NXPH1: variants seen among roughly 807,000 people sequenced by gnomAD.
The protein encoded by NXPH1 is neurexophilin 1, also known as neurexophilin-1.
In NXPH1, 5 loss-of-function variants were observed where a neutral mutation model predicts 23.7. That is an observed-to-expected ratio of 0.21 (90% CI 0.11 to 0.44). The LOEUF (loss-of-function observed/expected upper bound fraction) is 0.44. Among genes scored for constraint, NXPH1 ranks in the 20% least tolerant of loss-of-function variants. The pLI is 0.99. For missense variants in NXPH1, 324 were observed against 321.6 expected (o/e 1.01, Z -0.06); for synonymous variants, 144 against 122.2 (o/e 1.18, Z -1.18).
chr7:8,724,157 G>T (rs1780012639), intron 2 of NXPH1, among the ~76,000 whole-genome samples: 1 of 152,110 alleles, frequency 6.6e-6, no homozygotes, highest in Non-Finnish European at 1.5e-5. Context: ...AGAATAGGTG[G>T]TTCCCACAGA....
At position 8,433,777 on chromosome 7, in the gene NXPH1, C is replaced by T. The variant is rs935389123; in HGVS notation, c.-1089C>T. Among the ~76,000 whole-genome samples the T allele has an allele frequency of 3.9e-5, 6 of 152,132 alleles. No individual in the cohort carries two copies. Among genetic ancestry groups the T allele is most frequent in the Admixed American group, 2.0e-4 (3 of 15,280 alleles). ...CTACGCGACTCCCGGCTGCTCTTCCCGCCACTCCCCTGGGCTTTGCGATCT... is the reference window on the plus strand; with the variant it reads ...CTACGCGACTCCCGGCTGCTCTTCCTGCCACTCCCCTGGGCTTTGCGATCT... On this transcript the variant is annotated 5_prime_UTR_variant, in exon 1 of 3. Transcript: ENST00000405863. The surrounding 1 kb of genome is among the most constrained non-coding windows in gnomAD (Gnocchi z 6.8).
chr7:8,448,537 C>T (rs906093634), intron 2 of NXPH1, among the ~76,000 whole-genome samples: 5 of 152,166 alleles, frequency 3.3e-5, no homozygotes. Flanking sequence ...GGACATTTGG[C>T]TGGGTGCGGT....
intron 2 of NXPH1, among the ~76,000 whole-genome samples, chr7:8,589,412 G>C (rs1177792283): frequency 1.3e-5 from 2 of 152,112 alleles, no homozygotes; most frequent in African/African-American, 4.8e-5. Flanking sequence ...GAAGGAGAAA[G>C]TAAGTATGCA....
At chr7:8,550,650 A>G (rs908102223) in intron 2 of NXPH1, among the ~76,000 whole-genome samples, 4 of 151,750 alleles carry the variant, frequency 2.6e-5, no homozygotes, top group African/African-American at 9.6e-5. Flanking sequence ...GGAAATGGGA[A>G]TTATTTTAGT....
rs149730420 is a variant in NXPH1, at chr7:8,490,796, G to A, written c.54+55029G>A. ...GATTCTAAAGCTTGATATCCCAAGC[G>A]ATATAATTTAATCACAACAGCCCCA... is the stretch of plus-strand genomic sequence containing the variant. On this transcript the variant is annotated intron_variant, in intron 2 of 2. Coordinates refer to ENST00000405863, the MANE Select transcript of NXPH1 (RefSeq NM_152745.3). Among the ~76,000 whole-genome samples, 703 of 152,178 alleles carry A rather than the reference G, an allele frequency of 4.6e-3. 3 individuals carry two copies. The highest frequency in any genetic ancestry group is 0.015 in the African/African-American group (638 of 41,532).
intron 2 of NXPH1, among the ~76,000 whole-genome samples, chr7:8,589,793 C>G (rs950242319): frequency 7.2e-5 from 11 of 152,066 alleles, no homozygotes; most frequent in African/African-American, 2.7e-4. Context: ...GCTGCACCAT[C>G]CAATAGATAG....
At chr7:8,629,812 G>C (rs1035483715) in intron 2 of NXPH1, among the ~76,000 whole-genome samples, 3 of 152,118 alleles carry the variant, frequency 2.0e-5, no homozygotes, top group Admixed American at 2.0e-4. Flanking sequence ...CACAGTTGTA[G>C]CTGCACAAAG....
chr7:8,737,728 T>C (rs781151428), intron 2 of NXPH1, among the ~76,000 whole-genome samples: 3 of 152,216 alleles, frequency 2.0e-5, no homozygotes, highest in Non-Finnish European at 2.9e-5. Context: ...GAAGAGTGTT[T>C]TCCAACTTGT....
intron 2 of NXPH1, among the ~76,000 whole-genome samples, chr7:8,593,022 C>A (rs1819133934): frequency 6.6e-6 from 1 of 151,946 alleles, no homozygotes; most frequent in South Asian, 2.1e-4. Flanking sequence ...ATAGCCAACC[C>A]AGGTCTGGTA....
intron 2 of NXPH1, among the ~76,000 whole-genome samples, chr7:8,452,555 G>T (rs932880151): frequency 6.6e-6 from 1 of 152,132 alleles, no homozygotes; most frequent in African/African-American, 2.4e-5. Flanking sequence ...AACTGTGAAT[G>T]TATGATGCTG....
chr7:8,658,679 A>G (rs1290998864), intron 2 of NXPH1, among the ~76,000 whole-genome samples: 2 of 152,234 alleles, frequency 1.3e-5, no homozygotes, highest in African/African-American at 4.8e-5. Context: ...GTGTATTTAT[A>G]AAAACAATAT....
At chr7:8,516,181 A>T (rs1038555457) in intron 2 of NXPH1, among the ~76,000 whole-genome samples, 1 of 152,050 alleles carries the variant, frequency 6.6e-6, no homozygotes, top group Admixed American at 6.6e-5. Context: ...CATCATTAGT[A>T]ACCTCTCTAT....
chr7:8,702,323 C>T (rs1465479668), intron 2 of NXPH1, among the ~76,000 whole-genome samples: 1 of 151,934 alleles, frequency 6.6e-6, no homozygotes, highest in African/African-American at 2.4e-5. Context: ...TAAATATGTA[C>T]AATGATTGTG....
At chr7:8,696,201 A>G (rs752959965) in intron 2 of NXPH1, among the ~76,000 whole-genome samples, 1 of 152,238 alleles carries the variant, frequency 6.6e-6, no homozygotes, top group Non-Finnish European at 1.5e-5. Flanking sequence ...GGTGGCACAC[A>G]TAGTCTAGTT....
At chr7:8,465,680 C>T (rs931983893) in intron 2 of NXPH1, among the ~76,000 whole-genome samples, 1 of 152,192 alleles carries the variant, frequency 6.6e-6, no homozygotes, top group Non-Finnish European at 1.5e-5. Flanking sequence ...TCCCTGGTGG[C>T]ACTTACACTT....
At chr7:8,721,743 C>T (rs1779974084) in intron 2 of NXPH1, among the ~76,000 whole-genome samples, 1 of 152,212 alleles carries the variant, frequency 6.6e-6, no homozygotes, top group Non-Finnish European at 1.5e-5. Flanking sequence ...GTGCCACGCA[C>T]TCCAGCCTGG....
intron 2 of NXPH1, among the ~76,000 whole-genome samples, chr7:8,616,400 A>T (rs770871338): frequency 2.6e-5 from 4 of 151,976 alleles, no homozygotes; most frequent in Middle Eastern, 6.8e-3. Flanking sequence ...TGTATTTATC[A>T]CCATCCCACA....
chr7:8,554,494 C>T (rs1010688889), intron 2 of NXPH1, among the ~76,000 whole-genome samples: 9 of 151,664 alleles, frequency 5.9e-5, no homozygotes, highest in African/African-American at 9.7e-5. Context: ...CTGCAGTCCT[C>T]TGTACCCTGA....
chr7:8,640,563 T>G (rs1175717953), intron 2 of NXPH1, among the ~76,000 whole-genome samples: 1 of 152,148 alleles, frequency 6.6e-6, no homozygotes, highest in Non-Finnish European at 1.5e-5. Context: ...CTTTATTGTG[T>G]GTTTTAATAT....
Sources: allele counts gnomAD v4.1 joint callset (sites outside exome capture counted in the v4.1 genomes callset), GRCh38; gene constraint gnomAD v4.1.1; non-coding constraint Gnocchi (gnomAD v3.1); transcripts MANE v1.5; gene names NCBI Gene and HGNC (gene_info 2026-07-23, HGNC 2026-07-21).